ZNF75D: variants seen among roughly 807,000 people sequenced by gnomAD.
ZNF75D encodes zinc finger protein 75.
ZNF75D carries 33 observed loss-of-function variants against 33.3 expected under a neutral mutation model. That is an observed-to-expected ratio of 0.99 (90% CI 0.75 to 1.32). The LOEUF (loss-of-function observed/expected upper bound fraction) is 1.32, where lower values mean the gene tolerates loss of function less well. Ranked by LOEUF, ZNF75D falls within the 40% of genes most tolerant of loss-of-function variation. The probability of loss-of-function intolerance (pLI) is 0.00; values close to 1 mark genes in which losing one functional copy is unlikely to be tolerated. For missense variants in ZNF75D, 338 were observed against 367.5 expected (o/e 0.92, Z 0.66); for synonymous variants, 113 against 130.6 (o/e 0.87, Z 0.92).
At chrX:135,323,858 G>A (rs1214008974) in intron 1 of ZNF75D, among the ~76,000 whole-genome samples, 1 of 111,590 alleles carries the variant, frequency 9.0e-6, no homozygotes, top group African/African-American at 3.3e-5. Context: ...CTTTCTAGCA[G>A]AAGGCAGCTC....
Position 135,286,886 on chromosome X carries a change from T to C in ZNF75D, c.*251A>G, listed in dbSNP as rs1294466775. 1.4e-5 allele frequency: 5 copies of C among 369,458 alleles called. No homozygotes were observed. The East Asian group carries it at 1.4e-4, about 11-fold the overall frequency. The allele number at this position is 369,458 out of a possible 1,213,427, so 30.4% of individuals were successfully genotyped here. A position where few individuals can be genotyped will look rare whatever the true frequency, so the allele number is the denominator to read the frequency against. On this transcript the variant is annotated 3_prime_UTR_variant, in exon 7 of 7. Transcript: ENST00000370766. ...GAATAACCAGATATATACATATAGA[T>C]AGATAGCTAAAGGAATCTCATCACT...
At chrX:135,340,805 G>A (rs564076655) in intron 1 of ZNF75D, among the ~76,000 whole-genome samples, 12 of 112,052 alleles carry the variant, frequency 1.1e-4, no homozygotes, top group African/African-American at 3.9e-4. Flanking sequence ...AGGAGCCCCT[G>A]CAACCCCAAA....
At chrX:135,256,852 A>G (rs1556414246) in intron 1 of ZNF75D, among the ~76,000 whole-genome samples, 1 of 112,219 alleles carries the variant, frequency 8.9e-6, no homozygotes, top group East Asian at 2.8e-4. Context: ...GAATCACAGT[A>G]GAATAGGGCA....
At chrX:135,321,266 C>T (rs1556434107) in intron 1 of ZNF75D, among the ~76,000 whole-genome samples, 1 of 112,181 alleles carries the variant, frequency 8.9e-6, no homozygotes, top group Non-Finnish European at 1.9e-5. Context: ...TCCCAAAGGC[C>T]ACACCACCCA....
chrX:135,288,936 C>CTGTTT (rs1393642635), intron 6 of ZNF75D, among the ~76,000 whole-genome samples: 1 of 111,973 alleles, frequency 8.9e-6, no homozygotes, highest in Non-Finnish European at 1.9e-5. Context: ...TTAAGGTTTT[C>CTGTTT]TGTTTTGTTT....
intron 1 of ZNF75D, among the ~76,000 whole-genome samples, chrX:135,341,231 GACTCC>G (rs1482377399): frequency 3.6e-5 from 4 of 111,612 alleles, no homozygotes; most frequent in Non-Finnish European, 7.5e-5. Context: ...AATAAAGAAG[GACTCC>G]ACTCCACTCC....
At chrX:135,277,441 G>C (rs1417990697) in intron 1 of ZNF75D, among the ~76,000 whole-genome samples, 1 of 111,642 alleles carries the variant, frequency 9.0e-6, no homozygotes, top group African/African-American at 3.3e-5. Context: ...ATAGGATGCC[G>C]GTTCACTCTG....
At chrX:135,263,804 C>T (rs1395395491) in intron 1 of ZNF75D, among the ~76,000 whole-genome samples, 2 of 112,870 alleles carry the variant, frequency 1.8e-5, no homozygotes, top group African/African-American at 6.4e-5. Flanking sequence ...TGCTTCAGCT[C>T]GCCCTCTGTG....
At chrX:135,307,681 G>A (rs1427933759) in intron 1 of ZNF75D, among the ~76,000 whole-genome samples, 1 of 112,107 alleles carries the variant, frequency 8.9e-6, no homozygotes, top group African/African-American at 3.2e-5. Flanking sequence ...ATAAAAGTGT[G>A]GAGTTCCACT....
At chrX:135,270,292 T>C (rs782721012) in intron 1 of ZNF75D, among the ~76,000 whole-genome samples, 2 of 101,349 alleles carry the variant, frequency 2.0e-5, no homozygotes, top group Non-Finnish European at 4.0e-5. Context: ...CTTGAGGAGA[T>C]GGATACCCAA....
At position 135,339,928 on chromosome X, in the gene ZNF75D, G is replaced by C. The variant is rs180813560; in HGVS notation, c.-391+1840C>G. On this transcript the variant is annotated intron_variant, in intron 1 of 6. Coordinates refer to ENST00000370766, the MANE Select transcript of ZNF75D (RefSeq NM_007131.5). ...TCCATACACAGCAGTCACTGAAAGA[G>C]CTGTGCACAACTTTGGGCACCACAG... Among the ~76,000 whole-genome samples, 311 of 112,470 alleles carry C rather than the reference G, an allele frequency of 2.8e-3. 1 individual carries two copies. Among genetic ancestry groups the C allele is most frequent in the African/African-American group, 9.6e-3 (297 of 30,946 alleles).
At chrX:135,322,543 T>C (rs1222127976) in intron 1 of ZNF75D, among the ~76,000 whole-genome samples, 1 of 112,219 alleles carries the variant, frequency 8.9e-6, no homozygotes, top group Non-Finnish European at 1.9e-5. Flanking sequence ...GATAGGTAGA[T>C]AGACAGATAG....
intron 1 of ZNF75D, among the ~76,000 whole-genome samples, chrX:135,339,079 C>T (rs782551438): frequency 9.0e-6 from 1 of 110,562 alleles, no homozygotes; most frequent in South Asian, 3.9e-4. Flanking sequence ...GTCTTCCTCC[C>T]CAAGAAATTG....
intron 6 of ZNF75D, among the ~76,000 whole-genome samples, chrX:135,290,002 A>G (rs1205116966): frequency 1.8e-5 from 2 of 112,372 alleles, no homozygotes; most frequent in Non-Finnish European, 3.8e-5. Context: ...TGATTAAGAG[A>G]AAATTAAGTG....
chrX:135,267,805 C>T (rs1169667836), intron 1 of ZNF75D, among the ~76,000 whole-genome samples: 18 of 94,109 alleles, frequency 1.9e-4, no homozygotes, highest in African/African-American at 6.5e-4. Flanking sequence ...CAAAGATACA[C>T]CAAAAAAAAA....
chrX:135,302,645 C>G (rs1427703547), intron 1 of ZNF75D, among the ~76,000 whole-genome samples: 1 of 111,868 alleles, frequency 8.9e-6, no homozygotes, highest in Non-Finnish European at 1.9e-5. Context: ...TGAACAGTAA[C>G]CGTAGTCAGT....
chrX:135,261,006 T>A (rs2083839068), intron 1 of ZNF75D, among the ~76,000 whole-genome samples: 1 of 112,534 alleles, frequency 8.9e-6, no homozygotes, highest in South Asian at 3.6e-4. Context: ...GTCTTTGTTC[T>A]CATTGGTTTC....
chrX:135,283,982 AG>A (rs2083930732), downstream of ZNF75D, among the ~76,000 whole-genome samples: 1 of 111,468 alleles, frequency 9.0e-6, no homozygotes, highest in Non-Finnish European at 1.9e-5. Context: ...AAGTGGAAAA[AG>A]CCTGCTAAAC....
intron 1 of ZNF75D, among the ~76,000 whole-genome samples, chrX:135,329,259 A>AT (rs1320131407): frequency 6.3e-5 from 7 of 111,648 alleles, no homozygotes; most frequent in African/African-American, 2.3e-4. Flanking sequence ...TTTTAGAGAT[A>AT]TTTTTCATGC....
Sources: gnomAD v4.1 joint callset for allele counts (sites outside exome capture counted in the v4.1 genomes callset) on GRCh38, gnomAD v4.1.1 for gene constraint, MANE v1.5 for transcripts, NCBI Gene and HGNC (gene_info 2026-07-23, HGNC 2026-07-21) for gene names.